CLASP1: variants seen among roughly 807,000 people sequenced by gnomAD.
The protein encoded by CLASP1 is CLIP-associating protein 1.
Under a neutral mutation model 192.3 loss-of-function variants are expected in CLASP1, and 38 were observed. That is an observed-to-expected ratio of 0.20 (90% CI 0.15 to 0.26). The LOEUF (loss-of-function observed/expected upper bound fraction) is 0.26. Ranked by LOEUF, CLASP1 falls within the 10% of genes least tolerant of loss-of-function variation. CLASP1 has a pLI of 1.00. For missense variants in CLASP1, 1,433 were observed against 1,932.5 expected, an observed-to-expected ratio of 0.74 and a Z score of 4.85; for synonymous variants, 691 against 712.8, an observed-to-expected ratio of 0.97 and a Z score of 0.49.
chr2:121,367,485 C>T (rs754633240), intron 35 of CLASP1, 103 bp downstream of exon 36: 33 of 1,449,058 alleles, frequency 2.3e-5, no homozygotes, highest in African/African-American at 9.8e-5. Context: ...ACAGACCCAG[C>T]GTCTCCATTT....
At chr2:121,428,296 C>T (rs2080794470) in intron 20 of CLASP1, among the ~76,000 whole-genome samples, 1 of 152,174 alleles carries the variant, frequency 6.6e-6, no homozygotes, top group South Asian at 2.1e-4. Context: ...ACCCCAAAGA[C>T]CCCAGTGTTG....
At chr2:121,460,236 T>G in intron 11 of CLASP1, 111 bp from the exon 12 acceptor site, 1 of 823,132 alleles carries the variant, frequency 1.2e-6, no homozygotes, top group African/African-American at 1.7e-5. Flanking sequence ...TTCAACTGAT[T>G]AGAAAGCTTT....
chr2:121,480,310 C>T (rs2092487082), intron 8 of CLASP1, among the ~76,000 whole-genome samples: 2 of 152,230 alleles, frequency 1.3e-5, no homozygotes, highest in Admixed American at 1.3e-4. Context: ...CCTTAAGGCA[C>T]TGTAGGAGCT....
chr2:121,615,869 T>G (rs1048730142), intron 1 of CLASP1, among the ~76,000 whole-genome samples: 21 of 152,144 alleles, frequency 1.4e-4, no homozygotes, highest in African/African-American at 3.9e-4. Context: ...TTAAAACTAA[T>G]AGCTGTCAAG....
At chr2:121,355,052 C>T (rs2065145510) in intron 37 of CLASP1, among the ~76,000 whole-genome samples, 1 of 152,208 alleles carries the variant, frequency 6.6e-6, no homozygotes, top group Non-Finnish European at 1.5e-5. Context: ...TGTTTCAGAT[C>T]TGCTGAGCTG....
intron 14 of CLASP1, among the ~76,000 whole-genome samples, chr2:121,455,894 A>T (rs1383641848): frequency 6.6e-6 from 1 of 152,070 alleles, no homozygotes; most frequent in East Asian, 1.9e-4. Context: ...ATAGAAGCAG[A>T]AAGTAGAATG....
intron 8 of CLASP1, among the ~76,000 whole-genome samples, chr2:121,491,064 A>G (rs2093279755): frequency 6.6e-6 from 1 of 152,240 alleles, no homozygotes; most frequent in Admixed American, 6.5e-5. Flanking sequence ...GAATCTGTCA[A>G]TGGTCTGTTT....
intron 1 of CLASP1, among the ~76,000 whole-genome samples, chr2:121,633,930 C>T (rs1436450635): frequency 6.6e-6 from 1 of 151,640 alleles, no homozygotes; most frequent in African/African-American, 2.4e-5. Context: ...TGGCGTGAAC[C>T]TGGGAGGCGG....
intron 1 of CLASP1, among the ~76,000 whole-genome samples, chr2:121,626,625 A>G (rs533609937): frequency 1.3e-5 from 2 of 152,034 alleles, no homozygotes; most frequent in East Asian, 3.9e-4. Flanking sequence ...GGGTCTTGCT[A>G]TGTTGCCCAT....
intron 10 of CLASP1, among the ~76,000 whole-genome samples, chr2:121,462,059 A>G (rs2088117611): frequency 6.6e-6 from 1 of 152,168 alleles, no homozygotes; most frequent in Admixed American, 6.6e-5. Flanking sequence ...GGCACAAAGC[A>G]GTCAAACTTG....
At chr2:121,606,032 G>C in exon 2 of CLASP1, 1 of 690,476 alleles carries the variant, frequency 1.4e-6, no homozygotes, top group Non-Finnish European at 2.4e-6. Flanking sequence ...GCAATCTGGG[G>C]AATGGCAACA....
intron 37 of CLASP1, among the ~76,000 whole-genome samples, chr2:121,361,105 G>A (rs775735013): frequency 1.3e-5 from 2 of 152,118 alleles, no homozygotes; most frequent in African/African-American, 2.4e-5. Flanking sequence ...CACCATGGAC[G>A]GCTTGGCATT....
chr2:121,617,092 T>C (rs1471053063), intron 1 of CLASP1, among the ~76,000 whole-genome samples: 10 of 152,312 alleles, frequency 6.6e-5, no homozygotes, highest in Non-Finnish European at 1.0e-4. Flanking sequence ...CCAACTAAGC[T>C]AAGCACCAAG....
intron 25 of CLASP1, 75 bp from the exon 27 acceptor site, chr2:121,404,509 C>G (rs555639743): frequency 7.6e-7 from 1 of 1,307,506 alleles, no homozygotes; most frequent in African/African-American, 1.5e-5. Context: ...CTCTATTACC[C>G]AGGCTAGAGT....
chr2:121,474,132 A>G (rs115756139), intron 8 of CLASP1, among the ~76,000 whole-genome samples: 1,856 of 151,884 alleles, frequency 0.012, 14 homozygotes, highest in Non-Finnish European at 0.019. Flanking sequence ...GTTTAAAGCA[A>G]AAATATTTAG....
At chr2:121,347,217 T>G (rs529184914) in intron 38 of CLASP1, 63 bp from the exon 40 acceptor site, 1 of 1,141,862 alleles carries the variant, frequency 8.8e-7, no homozygotes, top group African/African-American at 1.5e-5. Context: ...ATAGCCAACA[T>G]CTCATCAACG....
At chr2:121,470,746 T>G (rs1407718696) in intron 8 of CLASP1, 2 of 398,590 alleles carry the variant, frequency 5.0e-6, no homozygotes, top group African/African-American at 4.2e-5. Flanking sequence ...TGATGTATAG[T>G]GCCAAAATTA....
At chr2:121,486,077 G>A (rs186942226) in intron 8 of CLASP1, among the ~76,000 whole-genome samples, 1 of 152,204 alleles carries the variant, frequency 6.6e-6, no homozygotes, top group Non-Finnish European at 1.5e-5. Context: ...CCTGGGGCAA[G>A]AAACGGGCAA....
chr2:121,639,276 C>CA (rs961625998), intron 1 of CLASP1, among the ~76,000 whole-genome samples: 155 of 143,980 alleles, frequency 1.1e-3, no homozygotes, highest in Non-Finnish European at 1.9e-3. Flanking sequence ...GACTCTGTCT[C>CA]AAAAAAAAAC....
Sources: allele counts gnomAD v4.1 joint callset (sites outside exome capture counted in the v4.1 genomes callset), GRCh38; gene constraint gnomAD v4.1.1; transcripts MANE v1.5; gene names NCBI Gene and HGNC (gene_info 2026-07-23, HGNC 2026-07-21).